The following BASP1 variants were observed in gnomAD, a reference collection of about 807,000 sequenced individuals.
The protein encoded by BASP1 is brain abundant membrane attached signal protein 1, also known as brain acid soluble protein 1.
Under a neutral mutation model 2.2 loss-of-function variants are expected in BASP1, and 1 was observed. That is an observed-to-expected ratio of 0.46 (90% CI 0.16 to 2.17). The LOEUF (loss-of-function observed/expected upper bound fraction) is 2.17, where lower values mean the gene tolerates loss of function less well. Ranked by LOEUF, BASP1 falls within the 30% of genes most tolerant of loss-of-function variation. The probability of loss-of-function intolerance (pLI) is 0.27; values close to 1 mark genes in which losing one functional copy is unlikely to be tolerated. For missense variants in BASP1, 352 were observed against 327.2 expected (o/e 1.08, Z -0.58); for synonymous variants, 187 against 154.2 (o/e 1.21, Z -1.58).
Position 17,275,551 on chromosome 5 carries a change from G to T in BASP1, c.335G>T (p.Gly112Val). ...KAPEQEQAAP[G>V]PAAGGEAPKA... ...CCCGAGCAGGAGCAGGCGGCCCCCG[G>T]CCCCGCTGCGGGCGGCGAGGCCCCC... The change falls in exon 2 of 2, where the codon GGC becomes GTC. Residue 112 changes from glycine (G) to valine (V), a missense_variant. Physicochemically the swap from Gly to Val is moderately radical, Grantham distance 109 (BLOSUM62 -3). Coordinates refer to ENST00000322611, the MANE Select transcript of BASP1 (RefSeq NM_006317.5). The surrounding 1 kb of genome is among the most constrained non-coding windows in gnomAD (Gnocchi z 5.3). 2.1e-6 allele frequency: 3 copies of T among 1,399,522 alleles called. No homozygotes were observed. Among genetic ancestry groups the T allele is most frequent in the Non-Finnish European group, 2.8e-6 (3 of 1,081,284 alleles). The allele number at this position is 1,399,522 out of a possible 1,614,324, so 86.7% of individuals were successfully genotyped here.
At chr5:17,239,050 A>T (rs898241764) in intron 1 of BASP1, among the ~76,000 whole-genome samples, 2 of 152,060 alleles carry the variant, frequency 1.3e-5, no homozygotes, top group Non-Finnish European at 2.9e-5. Flanking sequence ...TCCTTACTTG[A>T]TATCAATCAA....
chr5:17,267,049 C>T lies in BASP1; in HGVS notation c.-9-8159C>T, dbSNP rs546137493. On this transcript the variant is annotated intron_variant, in intron 1 of 1. Transcript: ENST00000322611. ...CTAAACTGAATATCACATTAGTTTT[C>T]GAGAATTGTGATTAGCCCTTGTGAG... Among the ~76,000 whole-genome samples the T allele has an allele frequency of 1.8e-4, 28 of 152,240 alleles. No individual in the cohort carries two copies. In the South Asian group the frequency reaches 5.2e-3, roughly 28 times the overall value.
chr5:17,247,040 A>G (rs1350409891), intron 1 of BASP1, among the ~76,000 whole-genome samples: 1 of 152,170 alleles, frequency 6.6e-6, no homozygotes, highest in Non-Finnish European at 1.5e-5. Flanking sequence ...TACAAAAAAT[A>G]GCTGGGCATG....
At chr5:17,245,932 A>G (rs901860813) in intron 1 of BASP1, among the ~76,000 whole-genome samples, 3 of 152,176 alleles carry the variant, frequency 2.0e-5, no homozygotes, top group African/African-American at 7.2e-5. Flanking sequence ...ACAGTAGGGC[A>G]TTACTACTAA....
intron 1 of BASP1, among the ~76,000 whole-genome samples, chr5:17,254,934 G>C (rs1740172064): frequency 2.0e-5 from 3 of 152,216 alleles, no homozygotes; most frequent in Non-Finnish European, 2.9e-5. Context: ...TTCTGAGACT[G>C]ACGGGTATCT....
intron 1 of BASP1, among the ~76,000 whole-genome samples, chr5:17,234,319 T>C (rs959548080): frequency 5.9e-5 from 9 of 152,154 alleles, no homozygotes; most frequent in Non-Finnish European, 1.2e-4. Flanking sequence ...CTATTCCTGC[T>C]CTATAAATAT....
chr5:17,239,284 G>A (rs975553829), intron 1 of BASP1, among the ~76,000 whole-genome samples: 5 of 151,948 alleles, frequency 3.3e-5, no homozygotes, highest in Non-Finnish European at 7.4e-5. Context: ...CAGTAGAGAC[G>A]GGGTTTCACC....
Position 17,275,877 on chromosome 5 carries a change from C to T in BASP1, c.661C>T (p.Gln221Ter), listed in dbSNP as rs1200392477. The change falls in exon 2 of 2, where the codon CAA becomes TAA. Residue 221 changes from glutamine (Q) to a stop codon, truncating the protein, a stop_gained. Coordinates refer to ENST00000322611, the MANE Select transcript of BASP1 (RefSeq NM_006317.5). LOFTEE classifies it high-confidence loss of function. This position sits in a 1 kb window ranked among gnomAD's most constrained non-coding sequence, Gnocchi z 5.3. ...GGAGGCCCCGGCAGCTAATTCCGAC[C>T]AAACCGTAACCGTGAAAGAGTGACA... ...PVEAPAANSDQTVTVKE is the reference protein window; with the variant it reads ...PVEAPAANSD The T allele has an allele frequency of 5.6e-6, 9 of 1,594,916 alleles. No homozygotes were observed. Among genetic ancestry groups the T allele is most frequent in the Non-Finnish European group, 7.7e-6 (9 of 1,172,470 alleles).
chr5:17,229,299 T>C (rs1353115294), intron 1 of BASP1, among the ~76,000 whole-genome samples: 1 of 152,140 alleles, frequency 6.6e-6, no homozygotes, highest in Admixed American at 6.6e-5. Context: ...TGGCATGTCT[T>C]GTTAAATAAG....
At chr5:17,243,626 T>C (rs1739916673) in intron 1 of BASP1, among the ~76,000 whole-genome samples, 1 of 152,226 alleles carries the variant, frequency 6.6e-6, no homozygotes, top group African/African-American at 2.4e-5. Context: ...CTCTGTTTCC[T>C]TTATAGCATT....
At chr5:17,266,297 T>C (rs1035020631) in intron 1 of BASP1, among the ~76,000 whole-genome samples, 1 of 151,992 alleles carries the variant, frequency 6.6e-6, no homozygotes, top group Non-Finnish European at 1.5e-5. Context: ...GAAAAAGCGG[T>C]TTTAAGGATG....
intron 1 of BASP1, among the ~76,000 whole-genome samples, chr5:17,226,414 T>C (rs1739506413): frequency 6.6e-6 from 1 of 152,194 alleles, no homozygotes; most frequent in Non-Finnish European, 1.5e-5. Context: ...GACAGTCTAT[T>C]CAAAACACCA....
At chr5:17,267,508 A>AT (rs750755152) in intron 1 of BASP1, among the ~76,000 whole-genome samples, 73 of 147,642 alleles carry the variant, frequency 4.9e-4, no homozygotes, top group South Asian at 1.1e-3. Flanking sequence ...TTTTGTTTGT[A>AT]TTTTTTTTTG....
At chr5:17,263,491 G>A (rs918003406) in intron 1 of BASP1, among the ~76,000 whole-genome samples, 2 of 152,130 alleles carry the variant, frequency 1.3e-5, no homozygotes, top group Non-Finnish European at 2.9e-5. Context: ...AATGAACATT[G>A]CTCACCTCAG....
intron 1 of BASP1, among the ~76,000 whole-genome samples, chr5:17,273,972 G>A (rs1740578585): frequency 6.6e-6 from 1 of 151,854 alleles, no homozygotes; most frequent in Non-Finnish European, 1.5e-5. Flanking sequence ...TGGACTTGAA[G>A]GAAAAAAAAT....
intron 1 of BASP1, among the ~76,000 whole-genome samples, chr5:17,235,763 A>G (rs188416835): frequency 6.6e-6 from 1 of 152,296 alleles, no homozygotes; most frequent in Non-Finnish European, 1.5e-5. Flanking sequence ...CTAGTATTTT[A>G]TCATTCCTCC....
At position 17,276,084 on chromosome 5, in the gene BASP1, C is replaced by G. The variant is rs914180818; in HGVS notation, c.*184C>G. The G allele has an allele frequency of 2.8e-5, 11 of 393,696 alleles. No individual in the cohort carries two copies. Among genetic ancestry groups the G allele is most frequent in the Non-Finnish European group, 4.0e-5 (9 of 226,530 alleles). 24.4% of individuals were successfully genotyped at this position (393,696 alleles called of 1,614,324 possible). ...GATATGTATTGCCCAAGGAAAAATA[C>G]AGGATGTTGTCCCATCAAGGGAGGG... On this transcript the variant is annotated 3_prime_UTR_variant, in exon 2 of 2. Coordinates refer to ENST00000322611, the MANE Select transcript of BASP1 (RefSeq NM_006317.5).
At chr5:17,221,788 A>G (rs766528763) in intron 1 of BASP1, among the ~76,000 whole-genome samples, 1 of 152,172 alleles carries the variant, frequency 6.6e-6, no homozygotes, top group Non-Finnish European at 1.5e-5. Context: ...GAGGTTGCAA[A>G]TAGAATATTT....
At chr5:17,242,418 T>C (rs1739881832) in intron 1 of BASP1, among the ~76,000 whole-genome samples, 2 of 148,910 alleles carry the variant, frequency 1.3e-5, no homozygotes, top group Admixed American at 1.3e-4. Flanking sequence ...CCCCACCCCA[T>C]GCATAGTTTC....
Sources: allele counts gnomAD v4.1 joint callset (sites outside exome capture counted in the v4.1 genomes callset), GRCh38; gene constraint gnomAD v4.1.1; non-coding constraint Gnocchi (gnomAD v3.1); transcripts MANE v1.5; gene names NCBI Gene and HGNC (gene_info 2026-07-23, HGNC 2026-07-21).